The following AK7 variants were observed in gnomAD, a reference collection of about 807,000 sequenced individuals.
The protein encoded by AK7 is adenylate kinase 7, also known as ATP-AMP transphosphorylase 7.
In AK7, 78 loss-of-function variants were observed where a neutral mutation model predicts 96.6. The observed-to-expected ratio is 0.81, with a 90% CI of 0.67 to 0.97. The LOEUF (loss-of-function observed/expected upper bound fraction) is 0.97. Among genes scored for constraint, AK7 ranks in the 50% least tolerant of loss-of-function variants. AK7 has a pLI of 0.00. For missense variants in AK7, 855 were observed against 887.9 expected, an observed-to-expected ratio of 0.96 and a Z score of 0.47; for synonymous variants, 302 against 317.2, an observed-to-expected ratio of 0.95 and a Z score of 0.51.
At chr14:96,398,957 C>T (rs1890244272) in intron 2 of AK7, 2 of 151,478 alleles carry the variant, frequency 1.3e-5, no homozygotes, top group South Asian at 2.1e-4. Context: ...ACATGCTGTA[C>T]CCTGGAGTGG....
At chr14:96,465,587 AAGT>A (rs1214083440) in intron 12 of AK7, among the ~76,000 whole-genome samples, 1 of 152,214 alleles carries the variant, frequency 6.6e-6, no homozygotes, top group African/African-American at 2.4e-5. Context: ...AATACACTAA[AAGT>A]AGATTAATGC....
chr14:96,412,745 T>C (rs1196714826), intron 4 of AK7, among the ~76,000 whole-genome samples: 1 of 151,438 alleles, frequency 6.6e-6, no homozygotes, highest in Non-Finnish European at 1.5e-5. Flanking sequence ...TTTTGTATTT[T>C]AAGTAGAGAT....
chr14:96,401,014 A>G (rs1391511495), intron 2 of AK7, among the ~76,000 whole-genome samples: 1 of 152,040 alleles, frequency 6.6e-6, no homozygotes, highest in Non-Finnish European at 1.5e-5. Flanking sequence ...CCTGAATCCT[A>G]TTGGTCACGG....
At chr14:96,428,353 C>T (rs1892152613) in intron 5 of AK7, among the ~76,000 whole-genome samples, 1 of 152,068 alleles carries the variant, frequency 6.6e-6, no homozygotes, top group African/African-American at 2.4e-5. Context: ...TTTCTTAATC[C>T]AGTTTATCAT....
At chr14:96,436,596 G>C (rs1487514319) in intron 5 of AK7, among the ~76,000 whole-genome samples, 1 of 152,192 alleles carries the variant, frequency 6.6e-6, no homozygotes, top group Non-Finnish European at 1.5e-5. Context: ...AGTGAGCCTA[G>C]ATTATGCCAC....
intron 3 of AK7, 72 bp downstream of exon 3, chr14:96,404,937 A>G: frequency 1.9e-6 from 2 of 1,078,726 alleles, no homozygotes; most frequent in Non-Finnish European, 2.7e-6. Flanking sequence ...ATAGTCATCT[A>G]GGAACACTAG....
chr14:96,424,812 A>C (rs1293272055), intron 5 of AK7, among the ~76,000 whole-genome samples: 2 of 152,206 alleles, frequency 1.3e-5, no homozygotes, highest in African/African-American at 4.8e-5. Context: ...TTCCAGTTCT[A>C]AATTCCATAA....
chr14:96,479,647 G>C (rs551620012), intron 15 of AK7, among the ~76,000 whole-genome samples: 1 of 152,152 alleles, frequency 6.6e-6, no homozygotes. Flanking sequence ...CCCGCATCAC[G>C]TCAGCCTCAT....
At chr14:96,404,110 C>T (rs1890566364) in intron 2 of AK7, among the ~76,000 whole-genome samples, 2 of 143,468 alleles carry the variant, frequency 1.4e-5, no homozygotes, top group Non-Finnish European at 3.0e-5. Flanking sequence ...CGCCACTGCA[C>T]TCCAGCCTGG....
In AK7 at chr14:96,471,571, C is replaced by T. The variant is rs897919583; in HGVS notation, c.1451C>T (p.Pro484Leu). Residue 484 changes from proline (P) to leucine (L), a missense_variant, in exon 13 of 18, where the codon CCA becomes CTA. Coordinates refer to ENST00000267584, the MANE Select transcript of AK7 (RefSeq NM_152327.5). ...RNQGYILDGF[P>L]KTYDQAKDLF... is the part of the protein sequence containing the mutation. Reference sequence around the variant, plus strand: ...CAAGGTTATATTTTGGATGGATTCCCAAAGACCTATGATCAAGCAAAAGAC... The same window carrying T: ...CAAGGTTATATTTTGGATGGATTCCTAAAGACCTATGATCAAGCAAAAGAC... 4 of 1,597,116 alleles carry T rather than the reference C, an allele frequency of 2.5e-6. No individual in the cohort carries two copies. The Admixed American group carries it at 7.1e-5, about 28-fold the overall frequency.
rs1373629445 is a variant in AK7 at position 96,449,863 on chromosome 14, T to C, written c.932T>C (p.Leu311Pro). ...IQKIPRENAY[L>P]TKDLTQDCLD... is the part of the protein sequence containing the mutation. ...AAAATACCCAGAGAAAATGCATACCTAACCAAGGACTTAACGGTTAGTATA... is the reference window on the plus strand; with the variant it reads ...AAAATACCCAGAGAAAATGCATACCCAACCAAGGACTTAACGGTTAGTATA... The change falls in exon 9 of 18, where the codon CTA (leucine) becomes CCA (proline). Residue 311 changes from leucine to proline, a missense_variant. Leu to Pro is a moderately conservative substitution (Grantham distance 98). Transcript: ENST00000267584. 1 of 1,605,342 alleles carries C rather than the reference T, an allele frequency of 6.2e-7. No homozygotes were observed. Among genetic ancestry groups the C allele is most frequent in the East Asian group, 2.2e-5 (1 of 44,796 alleles).
At chr14:96,422,818 G>A (rs1891787561) in intron 5 of AK7, among the ~76,000 whole-genome samples, 1 of 152,170 alleles carries the variant, frequency 6.6e-6, no homozygotes, top group Non-Finnish European at 1.5e-5. Flanking sequence ...ATTTTGACAT[G>A]TCCATTATAA....
intron 14 of AK7, among the ~76,000 whole-genome samples, chr14:96,476,791 C>T (rs1431795416): frequency 1.3e-5 from 2 of 152,064 alleles, no homozygotes; most frequent in African/African-American, 4.8e-5. Context: ...AAGGATGTTA[C>T]TCATTATTTG....
At chr14:96,435,406 G>A (rs1187795986) in intron 5 of AK7, among the ~76,000 whole-genome samples, 1 of 152,060 alleles carries the variant, frequency 6.6e-6, no homozygotes, top group Non-Finnish European at 1.5e-5. Context: ...TGGTGTTCTA[G>A]ATGCAAGACA....
chr14:96,396,391 C>G (rs1890086934), intron 1 of AK7, among the ~76,000 whole-genome samples: 1 of 152,202 alleles, frequency 6.6e-6, no homozygotes, highest in Non-Finnish European at 1.5e-5. Context: ...TCCAGTTGGG[C>G]AATGCCACCC....
At chr14:96,397,272 G>A (rs899047190) in intron 1 of AK7, among the ~76,000 whole-genome samples, 14 of 150,240 alleles carry the variant, frequency 9.3e-5, no homozygotes, top group African/African-American at 3.2e-4. Context: ...TTTTTTAGGC[G>A]GAGTCTTGCT....
intron 1 of AK7, among the ~76,000 whole-genome samples, chr14:96,394,547 T>G (rs1435802411): frequency 2.6e-5 from 4 of 152,224 alleles, no homozygotes; most frequent in Admixed American, 2.6e-4. Context: ...AGAAATTTAT[T>G]ACATAGATTA....
intron 2 of AK7, among the ~76,000 whole-genome samples, chr14:96,401,653 G>T (rs1890416419): frequency 6.6e-6 from 1 of 152,176 alleles, no homozygotes; most frequent in Admixed American, 6.5e-5. Context: ...GCTCAAATTG[G>T]AATGATACAG....
At chr14:96,444,189 C>T (rs774593661) in intron 7 of AK7, among the ~76,000 whole-genome samples, 10 of 152,134 alleles carry the variant, frequency 6.6e-5, no homozygotes, top group Non-Finnish European at 1.5e-4. Context: ...TGTAAATGGG[C>T]TAAGCTTCAG....
Sources: gnomAD v4.1 joint callset for allele counts (sites outside exome capture counted in the v4.1 genomes callset) on GRCh38, gnomAD v4.1.1 for gene constraint, MANE v1.5 for transcripts, NCBI Gene and HGNC (gene_info 2026-07-23, HGNC 2026-07-21) for gene names.